ARID1B: variants seen among roughly 807,000 people sequenced by gnomAD.
The protein encoded by ARID1B is AT-rich interactive domain-containing protein 1B.
ARID1B carries 30 observed loss-of-function variants against 212.3 expected under a neutral mutation model. The ratio of observed to expected loss-of-function variants is 0.14; its 90% CI spans 0.11 to 0.19. ARID1B has a LOEUF of 0.19. Among genes scored for constraint, ARID1B ranks in the 10% least tolerant of loss-of-function variants. The probability of loss-of-function intolerance (pLI) is 1.00; values close to 1 mark genes in which losing one functional copy is unlikely to be tolerated. For missense variants in ARID1B, 2,891 were observed against 3,204.0 expected (o/e 0.90, Z 2.36); for synonymous variants, 1,402 against 1,301.7 (o/e 1.08, Z -1.66).
chr6:156,907,864 C>T (rs865972119), intron 3 of ARID1B, among the ~76,000 whole-genome samples: 5 of 148,374 alleles, frequency 3.4e-5, no homozygotes, highest in African/African-American at 1.0e-4. Flanking sequence ...GTCGAGGTCG[C>T]GCCACTGCAC....
chr6:156,955,557 G>A lies in ARID1B; in HGVS notation c.2247+19981G>A, dbSNP rs922843091. Among the ~76,000 whole-genome samples, 4 of 152,158 alleles carry A rather than the reference G, an allele frequency of 2.6e-5. No individual in the cohort carries two copies. The East Asian group carries it at 7.7e-4, about 29-fold the overall frequency. On this transcript the variant is annotated intron_variant, in intron 4 of 19. Coordinates refer to ENST00000636930, the MANE Select transcript of ARID1B (RefSeq NM_001374828.1). The surrounding 1 kb of genome is among the most constrained non-coding windows in gnomAD (Gnocchi z 4.2). ...AATAATTGAAAGTTATACATAATTT[G>A]CTATTGACATAATTTTATCTTTATC...
At chr6:157,132,142 A>G (rs925652928) in intron 6 of ARID1B, among the ~76,000 whole-genome samples, 1 of 152,240 alleles carries the variant, frequency 6.6e-6, no homozygotes, top group Non-Finnish European at 1.5e-5. Context: ...TGGTGTGGGC[A>G]GGAGAAGACA....
intron 6 of ARID1B, among the ~76,000 whole-genome samples, chr6:157,112,019 G>T (rs1786962128): frequency 6.6e-6 from 1 of 152,106 alleles, no homozygotes; most frequent in Admixed American, 6.5e-5. Context: ...GAGAACCACT[G>T]CCTTCTAATA....
rs6939025 is a variant in ARID1B at position 156,899,348 on chromosome 6, G to A, written c.1987-2028G>A. ...GGCTCCCATTGAAGGACAGCTGACC[G>A]GGTCCAGTTGGTTGGCACTGGGCCC... On this transcript the variant is annotated intron_variant, in intron 2 of 19. Transcript: ENST00000636930. Among the ~76,000 whole-genome samples the A allele has an allele frequency of 2.5e-3, 376 of 152,296 alleles. 2 individuals carry two copies. Among genetic ancestry groups the A allele is most frequent in the African/African-American group, 8.6e-3 (358 of 41,574 alleles).
chr6:157,045,241 A>G (rs1562574438), intron 4 of ARID1B, among the ~76,000 whole-genome samples: 3 of 152,200 alleles, frequency 2.0e-5, no homozygotes, highest in South Asian at 4.1e-4. Context: ...TCATTAATTC[A>G]TTGATTTGCC....
At chr6:157,179,936 C>G (rs1292806639) in intron 11 of ARID1B, among the ~76,000 whole-genome samples, 1 of 151,738 alleles carries the variant, frequency 6.6e-6, no homozygotes, top group Admixed American at 6.6e-5. Flanking sequence ...GGAAAAAAAA[C>G]TTAAGAATTC....
chr6:157,144,600 G>A (rs1789591038), intron 7 of ARID1B, among the ~76,000 whole-genome samples: 1 of 152,142 alleles, frequency 6.6e-6, no homozygotes, highest in Non-Finnish European at 1.5e-5. Context: ...ATGTGAGCTT[G>A]GGGAGGAGGA....
At chr6:156,961,807 G>A (rs1313878362) in intron 4 of ARID1B, among the ~76,000 whole-genome samples, 3 of 152,202 alleles carry the variant, frequency 2.0e-5, no homozygotes, top group Admixed American at 6.5e-5. Flanking sequence ...TTTGTTTACT[G>A]AGGAATGTAT....
rs527493566 is a variant in ARID1B, at chr6:156,872,127, C to A, written c.1987-29249C>A. Among the ~76,000 whole-genome samples the A allele has an allele frequency of 1.1e-4, 16 of 152,246 alleles. 1 individual carries two copies. In the South Asian group the frequency reaches 3.3e-3, roughly 32 times the overall value. ...TTTAAGCAACAGCCGCTTCTCAAGG[C>A]GAGTGATCCTGAGCAAGTTACTTAA... On this transcript the variant is annotated intron_variant, in intron 2 of 19. Transcript: ENST00000636930.
In ARID1B at chr6:156,928,502, G is replaced by A. The variant is rs374893653; in HGVS notation, c.2137-6964G>A. Reference sequence around the variant, plus strand: ...ATTTGGGAGAGTCATTTCTTGACCCGATGAGTGCAAGGCACTCTCTCCAGA... The same window carrying A: ...ATTTGGGAGAGTCATTTCTTGACCCAATGAGTGCAAGGCACTCTCTCCAGA... On this transcript the variant is annotated intron_variant, in intron 3 of 19. Transcript: ENST00000636930. Among the ~76,000 whole-genome samples, 94 of 152,260 alleles carry A rather than the reference G, an allele frequency of 6.2e-4. No homozygotes were observed. The South Asian group carries it at 0.011, about 18-fold the overall frequency.
chr6:156,948,347 G>A (rs533060081), intron 4 of ARID1B, among the ~76,000 whole-genome samples: 69 of 152,196 alleles, frequency 4.5e-4, no homozygotes, highest in Middle Eastern at 6.8e-3. Context: ...CGAGTAGCTG[G>A]AACTATAGGC....
intron 6 of ARID1B, among the ~76,000 whole-genome samples, chr6:157,128,596 T>G (rs1788315599): frequency 6.6e-6 from 1 of 152,162 alleles, no homozygotes. Context: ...TTACACCAAC[T>G]GAAAGACCAG....
At chr6:156,872,844 C>T (rs1786253464) in intron 2 of ARID1B, among the ~76,000 whole-genome samples, 1 of 152,138 alleles carries the variant, frequency 6.6e-6, no homozygotes, top group African/African-American at 2.4e-5. Context: ...GTCATCCTTC[C>T]ACATAGGTTG....
chr6:157,088,434 A>G lies in ARID1B; in HGVS notation c.2491+3529A>G, dbSNP rs533051748. ...ATGGAATTTACTCAAAGCTCATGAC[A>G]GGTTTTTGTTGGGGAAAAAAAATGA... is the stretch of plus-strand genomic sequence containing the variant. On this transcript the variant is annotated intron_variant, in intron 5 of 19. Coordinates refer to ENST00000636930, the MANE Select transcript of ARID1B (RefSeq NM_001374828.1). Among the ~76,000 whole-genome samples, 26 of 152,350 alleles carry G rather than the reference A, an allele frequency of 1.7e-4. No homozygotes were observed. The South Asian group carries it at 5.0e-3, about 29-fold the overall frequency.
At chr6:156,937,579 G>A (rs1280009683) in intron 4 of ARID1B, 2 of 152,198 alleles carry the variant, frequency 1.3e-5, no homozygotes, top group Non-Finnish European at 2.9e-5. Flanking sequence ...GGATTGGATG[G>A]TTGACATTCA....
intron 8 of ARID1B, among the ~76,000 whole-genome samples, chr6:157,152,946 A>G (rs1014778490): frequency 1.3e-5 from 2 of 152,228 alleles, no homozygotes; most frequent in African/African-American, 4.8e-5. Context: ...GAAGAATCTG[A>G]AAAGGACAAA....
intron 2 of ARID1B, among the ~76,000 whole-genome samples, chr6:156,840,841 T>C (rs1458316744): frequency 6.6e-6 from 1 of 152,144 alleles, no homozygotes; most frequent in Non-Finnish European, 1.5e-5. Flanking sequence ...TTGAGTAAAT[T>C]GGAGATGGCT....
chr6:156,937,787 A>G (rs1347246860), intron 4 of ARID1B: 2 of 152,276 alleles, frequency 1.3e-5, no homozygotes, highest in Admixed American at 6.5e-5. Flanking sequence ...TTATGTATGT[A>G]TAACAGCTAT....
At chr6:156,888,295 C>T (rs960140758) in intron 2 of ARID1B, among the ~76,000 whole-genome samples, 4 of 152,158 alleles carry the variant, frequency 2.6e-5, no homozygotes, top group Non-Finnish European at 4.4e-5. Flanking sequence ...TTCTGCTTCC[C>T]GAGTGTTTTC....
Sources: gnomAD v4.1 joint callset for allele counts (sites outside exome capture counted in the v4.1 genomes callset) on GRCh38, gnomAD v4.1.1 for gene constraint, Gnocchi (gnomAD v3.1) non-coding constraint, MANE v1.5 for transcripts, NCBI Gene and HGNC (gene_info 2026-07-23, HGNC 2026-07-21) for gene names.